Variants in DIS3L2 observed in about 807,000 individuals in gnomAD.
The protein encoded by DIS3L2 is DIS3 like 3'-5' exoribonuclease 2, also known as DIS3-like exonuclease 2.
Under a neutral mutation model 97.5 loss-of-function variants are expected in DIS3L2, and 34 were observed. That is an observed-to-expected ratio of 0.35 (90% CI 0.27 to 0.46). The LOEUF (loss-of-function observed/expected upper bound fraction) is 0.46. Among genes scored for constraint, DIS3L2 ranks in the 20% least tolerant of loss-of-function variants. The pLI is 1.00. For missense variants in DIS3L2, 1,038 were observed against 1,146.0 expected, an observed-to-expected ratio of 0.91 and a Z score of 1.36; for synonymous variants, 435 against 445.2, an observed-to-expected ratio of 0.98 and a Z score of 0.29.
rs1431293138 is a variant in DIS3L2 at position 232,224,336 on chromosome 2, AC to A, written c.1204+13932del. Among the ~76,000 whole-genome samples the A allele has an allele frequency of 5.3e-5, 8 of 152,198 alleles. No homozygotes were observed. The East Asian group carries it at 1.5e-3, about 29-fold the overall frequency. On this transcript the variant is annotated intron_variant, in intron 10 of 20. Transcript: ENST00000325385. ...GGTTTTGACCCCTACTTTATACCAC[AC>A]ATAAAAATGAATTCCATGTGGCTCA...
At chr2:232,096,951 G>A (rs1233305059) in intron 6 of DIS3L2, among the ~76,000 whole-genome samples, 1 of 152,146 alleles carries the variant, frequency 6.6e-6, no homozygotes, top group Non-Finnish European at 1.5e-5. Context: ...GTGAGGTTAT[G>A]TTTTCCCAGA....
intron 14 of DIS3L2, among the ~76,000 whole-genome samples, chr2:232,304,846 G>C (rs923466513): frequency 6.6e-6 from 1 of 152,016 alleles, no homozygotes; most frequent in African/African-American, 2.4e-5. Context: ...TTCTCATTTA[G>C]AAATTTTTAT....
At position 231,982,155 on chromosome 2, in the gene DIS3L2, T is replaced by G. The variant is rs1193143864; in HGVS notation, c.-94+20390T>G. Among the ~76,000 whole-genome samples, 5 of 152,210 alleles carry G rather than the reference T, an allele frequency of 3.3e-5. 1 individual carries two copies. Among genetic ancestry groups the G allele is most frequent in the Non-Finnish European group, 7.4e-5 (5 of 68,022 alleles). On this transcript the variant is annotated intron_variant, in intron 1 of 20. Coordinates refer to ENST00000325385, the MANE Select transcript of DIS3L2 (RefSeq NM_152383.5). ...TGAGTTATATTTAATAGATAGACTC[T>G]TATAGGATATACTTGCTTGAGTGTG...
At chr2:232,177,258 A>G (rs1691195462) in intron 9 of DIS3L2, among the ~76,000 whole-genome samples, 2 of 145,734 alleles carry the variant, frequency 1.4e-5, no homozygotes, top group Admixed American at 6.9e-5. Context: ...TAATGCCGCA[A>G]TAAACATACG....
chr2:232,105,329 T>C (rs1217151197), intron 6 of DIS3L2, among the ~76,000 whole-genome samples: 4 of 152,218 alleles, frequency 2.6e-5, no homozygotes, highest in Non-Finnish European at 4.4e-5. Flanking sequence ...TGTGAGGTTT[T>C]TAAAAGAGGG....
intron 10 of DIS3L2, among the ~76,000 whole-genome samples, chr2:232,216,876 T>C (rs1303366751): frequency 1.5e-4 from 20 of 134,504 alleles, no homozygotes; most frequent in Non-Finnish European, 1.6e-5. Context: ...GGAGTCTTGC[T>C]CTGTCGCCCA....
chr2:231,991,901 G>T (rs748544539), intron 1 of DIS3L2, among the ~76,000 whole-genome samples: 2 of 152,102 alleles, frequency 1.3e-5, no homozygotes, highest in Non-Finnish European at 1.5e-5. Context: ...CAGGAACTGG[G>T]GATACAGTGA....
chr2:232,288,304 G>A (rs1264805780), intron 13 of DIS3L2, among the ~76,000 whole-genome samples: 1 of 152,210 alleles, frequency 6.6e-6, no homozygotes, highest in Non-Finnish European at 1.5e-5. Context: ...CTGCCACTTG[G>A]TTCTCATTAA....
At chr2:232,155,915 G>A (rs939044148) in intron 8 of DIS3L2, among the ~76,000 whole-genome samples, 2 of 151,860 alleles carry the variant, frequency 1.3e-5, no homozygotes, top group African/African-American at 4.8e-5. Context: ...GTGTGAACCC[G>A]GGAGGCGGAG....
chr2:232,001,170 C>A (rs1693890853), intron 1 of DIS3L2, among the ~76,000 whole-genome samples: 1 of 152,118 alleles, frequency 6.6e-6, no homozygotes, highest in Non-Finnish European at 1.5e-5. Flanking sequence ...ACATTTCCAC[C>A]AACAGTGTAC....
At chr2:232,277,631 A>G (rs12476170) in intron 13 of DIS3L2, among the ~76,000 whole-genome samples, 8,008 of 152,270 alleles carry the variant, frequency 0.053, 799 homozygotes, top group East Asian at 0.44. Context: ...ATTTTTCTAT[A>G]TATCCTAAGG....
intron 7 of DIS3L2, among the ~76,000 whole-genome samples, chr2:232,133,444 T>A (rs1430789888): frequency 2.0e-5 from 3 of 152,052 alleles, no homozygotes; most frequent in African/African-American, 7.2e-5. Flanking sequence ...AATAAAAGAT[T>A]TAAATGAGAC....
intron 12 of DIS3L2, among the ~76,000 whole-genome samples, chr2:232,250,452 C>T (rs1693386123): frequency 1.3e-5 from 2 of 151,674 alleles, no homozygotes; most frequent in Admixed American, 6.6e-5. Context: ...ACTTAGCAGT[C>T]CTGAGAAAGC....
intron 9 of DIS3L2, among the ~76,000 whole-genome samples, chr2:232,195,029 A>T (rs1364196951): frequency 1.3e-5 from 2 of 152,222 alleles, no homozygotes; most frequent in African/African-American, 4.8e-5. Flanking sequence ...CCTGCTATTT[A>T]AAAACAAAAC....
At chr2:232,329,785 T>TACCCGGGGGGGG in intron 14 of DIS3L2, 28 bp from the exon 15 acceptor site, 2 of 967,132 alleles carry the variant, frequency 2.1e-6, no homozygotes, top group Non-Finnish European at 2.9e-6. Context: ...ACCCCAGCGG[T>TACCCGGGGGGGG]CCCTCCCATC....
At chr2:232,183,003 C>T (rs937228419) in intron 9 of DIS3L2, among the ~76,000 whole-genome samples, 2 of 152,084 alleles carry the variant, frequency 1.3e-5, no homozygotes, top group Non-Finnish European at 2.9e-5. Flanking sequence ...AAACTCTAAC[C>T]CCCAAATTAT....
At chr2:232,006,091 G>T (rs1694045848) in intron 1 of DIS3L2, among the ~76,000 whole-genome samples, 1 of 152,202 alleles carries the variant, frequency 6.6e-6, no homozygotes, top group Non-Finnish European at 1.5e-5. Context: ...GGAGGCTGAG[G>T]CAGGAGAATT....
At chr2:232,294,765 C>G (rs1417344958) in intron 13 of DIS3L2, among the ~76,000 whole-genome samples, 2 of 152,176 alleles carry the variant, frequency 1.3e-5, no homozygotes, top group Non-Finnish European at 2.9e-5. Context: ...TAATTTGGGC[C>G]AAATACTTAA....
Position 232,304,301 on chromosome 2 carries a change from G to C in DIS3L2, c.1739+4182G>C, listed in dbSNP as rs77135278. Among the ~76,000 whole-genome samples, 1,262 of 152,292 alleles carry C rather than the reference G, an allele frequency of 8.3e-3. 13 individuals are homozygous for C. Among genetic ancestry groups the C allele is most frequent in the Middle Eastern group, 0.024 (7 of 294 alleles). ...TATAGGGCAAGGAACAAGACCTTCAGGAGTGAATAAGTGATTTGTGAGAAT... is the reference window on the plus strand; with the variant it reads ...TATAGGGCAAGGAACAAGACCTTCACGAGTGAATAAGTGATTTGTGAGAAT... On this transcript the variant is annotated intron_variant, in intron 14 of 20. Transcript: ENST00000325385.
Sources: gnomAD v4.1 joint callset for allele counts (sites outside exome capture counted in the v4.1 genomes callset) on GRCh38, gnomAD v4.1.1 for gene constraint, MANE v1.5 for transcripts, NCBI Gene and HGNC (gene_info 2026-07-23, HGNC 2026-07-21) for gene names.